CAMLG: variants seen among roughly 807,000 people sequenced by gnomAD.
CAMLG encodes the protein guided entry of tail-anchored proteins factor CAMLG.
A neutral mutation model predicts 28.9 loss-of-function variants in CAMLG; 23 were observed. The observed-to-expected ratio is 0.80, with a 90% CI of 0.57 to 1.13. CAMLG has a LOEUF of 1.13. Ranked by LOEUF, CAMLG falls within the 50% of genes most tolerant of loss-of-function variation. The pLI, the probability that CAMLG is intolerant of heterozygous loss-of-function variation, is 0.00. For synonymous variants in CAMLG, 141 were observed against 146.5 expected (o/e 0.96, Z 0.27); for missense variants, 367 against 371.9 (o/e 0.99, Z 0.11).
In CAMLG at chr5:134,751,980, C is replaced by T. The variant is rs1373322755; in HGVS notation, c.*1030C>T. 6.6e-6 allele frequency: 1 copy of T among 152,218 alleles called. No individual in the cohort carries two copies. Among genetic ancestry groups the T allele is most frequent in the Non-Finnish European group, 1.5e-5 (1 of 68,062 alleles). The allele number at this position is 152,218 out of a possible 1,614,324, so 9.4% of individuals were successfully genotyped here. ...TACAGGCGTGAGCCACTGCACCTGG[C>T]CTTATAAATATCCTTTTAACTAACT... On this transcript the variant is annotated 3_prime_UTR_variant, in exon 4 of 4. Coordinates refer to ENST00000297156, the MANE Select transcript of CAMLG (RefSeq NM_001745.4).
intron 1 of CAMLG, among the ~76,000 whole-genome samples, chr5:134,739,964 C>T (rs1752963526): frequency 6.6e-6 from 1 of 152,172 alleles, no homozygotes; most frequent in South Asian, 2.1e-4. Context: ...CAGCCTCAAA[C>T]TCCTGGGCTT....
chr5:134,746,825 C>T (rs893538672), intron 3 of CAMLG, among the ~76,000 whole-genome samples: 16 of 151,306 alleles, frequency 1.1e-4, no homozygotes, highest in East Asian at 9.9e-4. Flanking sequence ...TGGTGCCTCA[C>T]GCCTGTAATC....
intron 1 of CAMLG, among the ~76,000 whole-genome samples, 165 bp from the exon 2 acceptor site, chr5:134,740,898 G>A (rs1329874532): frequency 6.6e-6 from 1 of 152,224 alleles, no homozygotes; most frequent in Non-Finnish European, 1.5e-5. Flanking sequence ...GTGAGCCACG[G>A]CACCTGGCCG....
intron 3 of CAMLG, among the ~76,000 whole-genome samples, chr5:134,745,435 C>CA (rs561389879): frequency 0.16 from 13,334 of 81,306 alleles, 1,011 homozygotes; most frequent in East Asian, 0.44. Flanking sequence ...CGAGACTCCT[C>CA]AAAAAAAAAA....
chr5:134,741,860 C>T (rs529376964), intron 2 of CAMLG, among the ~76,000 whole-genome samples: 5 of 152,260 alleles, frequency 3.3e-5, no homozygotes, highest in East Asian at 3.9e-4. Flanking sequence ...GCAGGAGAAT[C>T]GCTTGAACCC....
In CAMLG at chr5:134,751,096, AT is replaced by A; in HGVS notation, c.*147del. The A allele has an allele frequency of 1.8e-6, 1 of 562,542 alleles. No individual in the cohort carries two copies. Among genetic ancestry groups the A allele is most frequent in the Non-Finnish European group, 3.1e-6 (1 of 320,916 alleles). 34.8% of individuals were successfully genotyped at this position (562,542 alleles called of 1,614,324 possible). ...GTAAAGCTACTTTATTAGATATAGA[AT>A]GGCAGATTCTCTGATTTAAAAGGGC... On this transcript the variant is annotated 3_prime_UTR_variant, in exon 4 of 4. Coordinates refer to ENST00000297156, the MANE Select transcript of CAMLG (RefSeq NM_001745.4).
At chr5:134,742,425 A>G (rs1251847291) in intron 2 of CAMLG, among the ~76,000 whole-genome samples, 2 of 152,182 alleles carry the variant, frequency 1.3e-5, no homozygotes, top group Non-Finnish European at 2.9e-5. Context: ...AGTGCTTTAC[A>G]TATATATACT....
chr5:134,745,194 T>A (rs1479822266), intron 3 of CAMLG, among the ~76,000 whole-genome samples: 1 of 151,862 alleles, frequency 6.6e-6, no homozygotes, highest in Non-Finnish European at 1.5e-5. Flanking sequence ...TCCCAGCACT[T>A]AGGGAGGCTG....
Position 134,751,478 on chromosome 5 carries a change from T to A in CAMLG, c.*528T>A, listed in dbSNP as rs1461603439. 2.0e-5 allele frequency: 3 copies of A among 152,240 alleles called. No homozygotes were observed. Among genetic ancestry groups the A allele is most frequent in the Non-Finnish European group, 4.4e-5 (3 of 68,048 alleles). 9.4% of individuals were successfully genotyped at this position (152,240 alleles called of 1,614,324 possible). On this transcript the variant is annotated 3_prime_UTR_variant, in exon 4 of 4. Coordinates refer to ENST00000297156, the MANE Select transcript of CAMLG (RefSeq NM_001745.4). ...TTTAATCAAAGAAAAGATTCATACA[T>A]GTGAAATTGGAAGGTATTTATAAAA...
At chr5:134,738,920 C>A in intron 1 of CAMLG, 128 bp downstream of exon 1, 1 of 909,818 alleles carries the variant, frequency 1.1e-6, no homozygotes, top group Non-Finnish European at 1.7e-6. Context: ...CCTCTCTGTC[C>A]CGCCCCTTCG....
rs1204845826 is a variant in CAMLG at position 134,738,635 on chromosome 5, C to T, written c.15C>T (p.Ala5=). The T allele has an allele frequency of 1.9e-6, 3 of 1,611,376 alleles. No homozygotes were observed. The highest frequency in any genetic ancestry group is 1.7e-6 in the Non-Finnish European group (2 of 1,179,298). Residue 5 remains alanine (A), a synonymous_variant, in exon 1 of 4, where the codon GCC becomes GCT. Transcript: ENST00000297156. Reference sequence around the variant, plus strand: ...TGGACGGGAGGATGGAGTCGATGGCCGTCGCTACCGACGGCGGGGAGAGGC... The same window carrying T: ...TGGACGGGAGGATGGAGTCGATGGCTGTCGCTACCGACGGCGGGGAGAGGC... MESM[A]VATDGGERPG...
intron 3 of CAMLG, among the ~76,000 whole-genome samples, chr5:134,748,610 C>G (rs1294669153): frequency 6.6e-6 from 1 of 152,146 alleles, no homozygotes; most frequent in Non-Finnish European, 1.5e-5. Context: ...AAATGCTTGT[C>G]TTAATTGTAC....
chr5:134,745,448 AAAAG>A lies in CAMLG; in HGVS notation c.699+1404_699+1407del, dbSNP rs1402185465. Among the ~76,000 whole-genome samples, 7 of 142,020 alleles carry A rather than the reference AAAAG, an allele frequency of 4.9e-5. No individual in the cohort carries two copies. In the East Asian group the frequency reaches 6.6e-4, roughly 13 times the overall value. 93.2% of individuals were successfully genotyped at this position (142,020 alleles called of 152,430 possible). ...AGCGAGACTCCTCAAAAAAAAAAAA[AAAAG>A]AAAGAAATTCACCTTTGAGGCTGGG... On this transcript the variant is annotated intron_variant, in intron 3 of 3. Transcript: ENST00000297156.
chr5:134,738,776 G>T lies in CAMLG; in HGVS notation c.156G>T (p.Arg52Ser), dbSNP rs1279083234. ...QRINRIMGFH[R>S]PGSGAEEESQ... ...TCAACCGGATCATGGGCTTTCACAG[G>T]CCCGGGAGCGGCGCGGGTAAGAGCC... The change falls in exon 1 of 4, where the codon AGG becomes AGT. Residue 52 changes from arginine to serine, a missense_variant. Coordinates refer to ENST00000297156, the MANE Select transcript of CAMLG (RefSeq NM_001745.4). The T allele has an allele frequency of 5.0e-6, 8 of 1,613,930 alleles. No homozygotes were observed. The Admixed American group carries it at 1.2e-4, about 24-fold the overall frequency.
intron 3 of CAMLG, among the ~76,000 whole-genome samples, chr5:134,750,495 G>A (rs936165712): frequency 2.0e-5 from 3 of 151,492 alleles, no homozygotes; most frequent in African/African-American, 2.4e-5. Flanking sequence ...CCGAGATCGT[G>A]CCATTGCACT....
intron 1 of CAMLG, among the ~76,000 whole-genome samples, chr5:134,740,200 T>TAAAACA (rs1246049117): frequency 2.0e-5 from 3 of 152,148 alleles, no homozygotes; most frequent in Non-Finnish European, 2.9e-5. Flanking sequence ...GCCTTTTTTT[T>TAAAACA]AAAACAAAAA....
chr5:134,739,231 G>A (rs1164158446), intron 1 of CAMLG, among the ~76,000 whole-genome samples: 2 of 152,096 alleles, frequency 1.3e-5, no homozygotes, highest in Admixed American at 6.6e-5. Context: ...TTTGCCTTTT[G>A]CTGTGTAACT....
intron 2 of CAMLG, among the ~76,000 whole-genome samples, chr5:134,742,915 T>C (rs1158516267): frequency 6.6e-6 from 1 of 152,150 alleles, no homozygotes; most frequent in Non-Finnish European, 1.5e-5. Flanking sequence ...ATTTTTTGTA[T>C]TTTTAGTAGA....
chr5:134,739,365 G>C (rs1752957010), intron 1 of CAMLG, among the ~76,000 whole-genome samples: 1 of 152,082 alleles, frequency 6.6e-6, no homozygotes, highest in Admixed American at 6.6e-5. Flanking sequence ...TCACCTACGG[G>C]CCGGCTAGAA....
Sources: gnomAD v4.1 joint callset for allele counts (sites outside exome capture counted in the v4.1 genomes callset) on GRCh38, gnomAD v4.1.1 for gene constraint, MANE v1.5 for transcripts, NCBI Gene and HGNC (gene_info 2026-07-23, HGNC 2026-07-21) for gene names.